Variants in PRDM16 observed in about 807,000 individuals in gnomAD.
PRDM16 encodes PR/SET domain 16, also known as histone-lysine N-methyltransferase PRDM16.
A neutral mutation model predicts 110.6 loss-of-function variants in PRDM16; 23 were observed. That is an observed-to-expected ratio of 0.21 (90% CI 0.15 to 0.29). The LOEUF (loss-of-function observed/expected upper bound fraction) is 0.29, where lower values mean the gene tolerates loss of function less well. Ranked by LOEUF, PRDM16 falls within the 10% of genes least tolerant of loss-of-function variation. PRDM16 has a pLI of 1.00. For missense variants in PRDM16, 1,615 were observed against 1,794.3 expected (o/e 0.90, Z 1.81); for synonymous variants, 799 against 781.8 (o/e 1.02, Z -0.37).
chr1:3,074,912 G>A (rs1021992998), intron 1 of PRDM16, among the ~76,000 whole-genome samples: 34 of 152,346 alleles, frequency 2.2e-4, no homozygotes, highest in African/African-American at 7.7e-4. Context: ...GCCTGGCGTG[G>A]GCCACGGCTC....
Position 3,157,900 on chromosome 1 carries a change from A to C in PRDM16, c.38-28225A>C, listed in dbSNP as rs989523330. Among the ~76,000 whole-genome samples the C allele has an allele frequency of 6.6e-6, 1 of 152,226 alleles. No homozygotes were observed. The highest frequency in any genetic ancestry group is 2.4e-5 in the African/African-American group (1 of 41,464). ...CAACTATGCCATCTTCCTCCCACTTAAACCTCTCTTTTGACAGAGGACAGA... is the reference window on the plus strand; with the variant it reads ...CAACTATGCCATCTTCCTCCCACTTCAACCTCTCTTTTGACAGAGGACAGA... On this transcript the variant is annotated intron_variant, in intron 1 of 16. Transcript: ENST00000270722. The surrounding 1 kb of genome is among the most constrained non-coding windows in gnomAD (Gnocchi z 4.8).
chr1:3,436,331 G>A lies in PRDM16; in HGVS notation c.*2520G>A. 1 of 231,078 alleles carries A rather than the reference G, an allele frequency of 4.3e-6. No homozygotes were observed. Among genetic ancestry groups the A allele is most frequent in the East Asian group, 6.1e-5 (1 of 16,370 alleles). 14.3% of individuals were successfully genotyped at this position (231,078 alleles called of 1,614,324 possible). On this transcript the variant is annotated 3_prime_UTR_variant, in exon 17 of 17. Transcript: ENST00000270722. Reference sequence around the variant, plus strand: ...TTACCGTTGGTCTCCGGATCCCCCAGTCCCATCCCGCCGTTTTCGGCTGTC... The same window carrying A: ...TTACCGTTGGTCTCCGGATCCCCCAATCCCATCCCGCCGTTTTCGGCTGTC...
At chr1:3,429,919 G>A (rs1638721508) in intron 14 of PRDM16, among the ~76,000 whole-genome samples, 1 of 152,224 alleles carries the variant, frequency 6.6e-6, no homozygotes. Context: ...CCAAGAGCAG[G>A]ACCCCTGCAT....
intron 14 of PRDM16, among the ~76,000 whole-genome samples, chr1:3,429,208 C>T (rs912598680): frequency 1.1e-4 from 16 of 152,364 alleles, no homozygotes; most frequent in African/African-American, 3.1e-4. Flanking sequence ...AAAGCGTCCA[C>T]GGCTGTTGCT....
chr1:3,232,167 C>G (rs553589902), intron 2 of PRDM16, among the ~76,000 whole-genome samples: 1 of 152,328 alleles, frequency 6.6e-6, no homozygotes, highest in East Asian at 1.9e-4. Flanking sequence ...AAGCAAAGCT[C>G]TTCATCTCCC....
At chr1:3,099,318 C>T (rs1239476219) in intron 1 of PRDM16, among the ~76,000 whole-genome samples, 2 of 152,260 alleles carry the variant, frequency 1.3e-5, no homozygotes, top group African/African-American at 4.8e-5. Context: ...ATTCCTGTAA[C>T]ATACAGACAG....
chr1:3,227,115 G>C (rs969381100), intron 2 of PRDM16, among the ~76,000 whole-genome samples: 3 of 152,204 alleles, frequency 2.0e-5, no homozygotes, highest in Admixed American at 6.5e-5. Context: ...CCAGCTCTTC[G>C]GGCGTCTGTT....
intron 14 of PRDM16, among the ~76,000 whole-genome samples, chr1:3,430,583 G>A (rs548533436): frequency 2.6e-5 from 4 of 152,216 alleles, no homozygotes; most frequent in Admixed American, 6.5e-5. Flanking sequence ...CCCCAACACC[G>A]CCCCGGCCCT....
rs994142060 is a variant in PRDM16 at position 3,201,299 on chromosome 1, A to G, written c.387+14825A>G. Among the ~76,000 whole-genome samples the G allele has an allele frequency of 2.6e-5, 4 of 152,188 alleles. No homozygotes were observed. The South Asian group carries it at 8.3e-4, about 32-fold the overall frequency. On this transcript the variant is annotated intron_variant, in intron 2 of 16. Transcript: ENST00000270722. This position sits in a 1 kb window ranked among gnomAD's most constrained non-coding sequence, Gnocchi z 4.1. ...AAAATTCGCTTTGTCATGGGATTTA[A>G]AATTACTTCAATTGCACTGACTTGA...
chr1:3,185,099 C>G (rs1644252653), intron 1 of PRDM16, among the ~76,000 whole-genome samples: 1 of 152,196 alleles, frequency 6.6e-6, no homozygotes, highest in Non-Finnish European at 1.5e-5. Flanking sequence ...ATTCGCCTGC[C>G]TGAGTCCTGA....
At chr1:3,121,423 T>C (rs1643091382) in intron 1 of PRDM16, among the ~76,000 whole-genome samples, 3 of 152,216 alleles carry the variant, frequency 2.0e-5, no homozygotes, top group Admixed American at 1.3e-4. Context: ...AGGACCGGGC[T>C]CAGAAAAGAT....
At chr1:3,079,005 C>T (rs982202486) in intron 1 of PRDM16, among the ~76,000 whole-genome samples, 2 of 152,264 alleles carry the variant, frequency 1.3e-5, no homozygotes, top group African/African-American at 4.8e-5. Flanking sequence ...ATGACGCTCA[C>T]CGGAGGAGCC....
intron 3 of PRDM16, among the ~76,000 whole-genome samples, chr1:3,343,784 G>T (rs554040258): frequency 6.6e-6 from 1 of 152,116 alleles, no homozygotes; most frequent in African/African-American, 2.4e-5. Flanking sequence ...GGGACTACAG[G>T]CATCCACCAC....
At position 3,255,994 on chromosome 1, in the gene PRDM16, G is replaced by A. The variant is rs902296941; in HGVS notation, c.438+11857G>A. 2.6e-5 allele frequency among the ~76,000 whole-genome samples: 4 copies of A among 152,224 alleles called. No individual in the cohort carries two copies. The highest frequency in any genetic ancestry group is 5.9e-5 in the Non-Finnish European group (4 of 68,042). The stretch of plus-strand genomic sequence containing the variant: ...CCTCTCAGGGGAGGGACAGGATTAC[G>A]TGGCAGAGAGCAGGTATGTGGCACA... On this transcript the variant is annotated intron_variant, in intron 3 of 16. Transcript: ENST00000270722. This position sits in a 1 kb window ranked among gnomAD's most constrained non-coding sequence, Gnocchi z 4.7.
chr1:3,273,944 C>T (rs552971991), intron 3 of PRDM16, among the ~76,000 whole-genome samples: 3 of 137,822 alleles, frequency 2.2e-5, no homozygotes, highest in South Asian at 4.6e-4. Context: ...TCCCAGGCAC[C>T]GTTCTCTCAC....
At chr1:3,234,886 C>T (rs1167814892) in intron 2 of PRDM16, among the ~76,000 whole-genome samples, 2 of 152,242 alleles carry the variant, frequency 1.3e-5, no homozygotes, top group Non-Finnish European at 2.9e-5. Context: ...GGAGGGAGGA[C>T]GGGCCTGCCT....
intron 1 of PRDM16, among the ~76,000 whole-genome samples, chr1:3,146,690 T>C (rs1413129095): frequency 7.4e-6 from 1 of 135,746 alleles, no homozygotes; most frequent in Non-Finnish European, 1.6e-5. Context: ...TGTGCACGTG[T>C]GTTTGGTGTG....
chr1:3,326,031 C>T (rs1557610687), intron 3 of PRDM16, among the ~76,000 whole-genome samples: 1 of 61,536 alleles, frequency 1.6e-5, no homozygotes, highest in Non-Finnish European at 3.3e-5. Context: ...CCTTGGCCCT[C>T]CTTGGCCATC....
intron 4 of PRDM16, among the ~76,000 whole-genome samples, chr1:3,394,053 G>C (rs1643344168): frequency 1.3e-5 from 2 of 152,088 alleles, no homozygotes; most frequent in Non-Finnish European, 2.9e-5. Context: ...GGGTCCCCCG[G>C]CAAGTCTGCT....
Sources: allele counts gnomAD v4.1 joint callset (sites outside exome capture counted in the v4.1 genomes callset), GRCh38; gene constraint gnomAD v4.1.1; non-coding constraint Gnocchi (gnomAD v3.1); transcripts MANE v1.5; gene names NCBI Gene and HGNC (gene_info 2026-07-23, HGNC 2026-07-21).